MYO18A: variants seen among roughly 807,000 people sequenced by gnomAD.
MYO18A encodes the protein myosin XVIIIA, also known as unconventional myosin-XVIIIa.
A neutral mutation model predicts 235.8 loss-of-function variants in MYO18A; 78 were observed. That is an observed-to-expected ratio of 0.33 (90% CI 0.28 to 0.40). The LOEUF (loss-of-function observed/expected upper bound fraction) is 0.40. Ranked by LOEUF, MYO18A falls within the 10% of genes least tolerant of loss-of-function variation. The pLI is 1.00. For missense variants in MYO18A, 2,215 were observed against 2,699.3 expected (o/e 0.82, Z 3.98); for synonymous variants, 977 against 1,077.8 (o/e 0.91, Z 1.83).
At chr17:29,110,679 G>T in intron 17 of MYO18A, 57 bp from the exon 18 acceptor site, 1 of 1,526,532 alleles carries the variant, frequency 6.6e-7, no homozygotes, top group Non-Finnish European at 8.8e-7. Flanking sequence ...GAGCGGGAAA[G>T]GCCGCTCCTC....
chr17:29,165,892 G>A (rs766454658), intron 2 of MYO18A, 50 bp downstream of exon 2: 5 of 1,536,194 alleles, frequency 3.3e-6, no homozygotes, highest in African/African-American at 2.7e-5. Context: ...AGCAGGAGGT[G>A]CCCACATTCC....
At chr17:29,175,413 A>G (rs1394300882) in intron 1 of MYO18A, among the ~76,000 whole-genome samples, 2 of 139,446 alleles carry the variant, frequency 1.4e-5, no homozygotes, top group Non-Finnish European at 3.0e-5. Flanking sequence ...CCTCCAGGCT[A>G]GAGTGTGGTG....
Position 29,170,521 on chromosome 17 carries a change from CG to C in MYO18A, c.-81-3501del, listed in dbSNP as rs138194388. On this transcript the variant is annotated intron_variant, in intron 1 of 41. Coordinates refer to ENST00000527372, the MANE Select transcript of MYO18A (RefSeq NM_078471.4). The stretch of plus-strand genomic sequence containing the variant: ...ACCACTACCTTCCTACCCCCTATCC[CG>C]GGCTGCAGTTTCCATCTGCCTCCCA... 4.2e-3 allele frequency among the ~76,000 whole-genome samples: 643 copies of C among 152,288 alleles called. 3 individuals are homozygous for C. Among genetic ancestry groups the C allele is most frequent in the African/African-American group, 0.015 (604 of 41,546 alleles).
chr17:29,117,839 C>A lies in MYO18A; in HGVS notation c.2038+206G>T, dbSNP rs2067109629. Among the ~76,000 whole-genome samples, 1 of 152,192 alleles carries A rather than the reference C, an allele frequency of 6.6e-6. No homozygotes were observed. Among genetic ancestry groups the A allele is most frequent in the Non-Finnish European group, 1.5e-5 (1 of 68,030 alleles). On this transcript the variant is annotated intron_variant, in intron 10 of 41. Coordinates refer to ENST00000527372, the MANE Select transcript of MYO18A (RefSeq NM_078471.4). This position sits in a 1 kb window ranked among gnomAD's most constrained non-coding sequence, Gnocchi z 4.6. Reference sequence around the variant, plus strand: ...TCATGGTGCCCCCCAGCACAGCCAGCTAAGTCCAGGCCTCGGGTCGTCACT... The same window carrying A: ...TCATGGTGCCCCCCAGCACAGCCAGATAAGTCCAGGCCTCGGGTCGTCACT...
rs913959928 is a variant in MYO18A, at chr17:29,171,752, T to G, written c.-81-4731A>C. Among the ~76,000 whole-genome samples, 8 of 151,850 alleles carry G rather than the reference T, an allele frequency of 5.3e-5. 1 individual carries two copies. Among genetic ancestry groups the G allele is most frequent in the African/African-American group, 1.5e-4 (6 of 41,330 alleles). ...TCTACTCAAAATACAAAAAATTATCTGGATGTGGTGGTGCATGCCTGTGGG... is the reference window on the plus strand; with the variant it reads ...TCTACTCAAAATACAAAAAATTATCGGGATGTGGTGGTGCATGCCTGTGGG... On this transcript the variant is annotated intron_variant, in intron 1 of 41. Coordinates refer to ENST00000527372, the MANE Select transcript of MYO18A (RefSeq NM_078471.4).
At chr17:29,112,703 TC>T (rs1271679168) in intron 15 of MYO18A, among the ~76,000 whole-genome samples, 7 of 152,214 alleles carry the variant, frequency 4.6e-5, no homozygotes, top group Non-Finnish European at 1.0e-4. Flanking sequence ...GATGGAACCT[TC>T]CCCACACCCT....
intron 38 of MYO18A, 75 bp from the exon 39 acceptor site, chr17:29,086,652 A>G: frequency 6.5e-7 from 1 of 1,546,154 alleles, no homozygotes; most frequent in Non-Finnish European, 8.7e-7. Context: ...GCCTGCTTCA[A>G]GTACTTTCCG....
intron 2 of MYO18A, chr17:29,124,617 A>G: frequency 1.6e-6 from 2 of 1,264,266 alleles, no homozygotes; most frequent in Non-Finnish European, 2.1e-6. Context: ...CACTGGAGGG[A>G]GCGGAGGGCT....
chr17:29,086,794 G>T, intron 38 of MYO18A, 142 bp downstream of exon 38: 1 of 1,181,382 alleles, frequency 8.5e-7, no homozygotes, highest in South Asian at 1.6e-5. Flanking sequence ...CTGCCCTCTT[G>T]ATATGCTCCT....
chr17:29,081,148 G>T, intron 41 of MYO18A: 1 of 335,714 alleles, frequency 3.0e-6, no homozygotes, highest in Non-Finnish European at 4.2e-6. Flanking sequence ...AGGAGAAAAC[G>T]GCAGCAGCCC....
Position 29,115,810 on chromosome 17 carries a change from C to T in MYO18A, c.2081G>A (p.Trp694Ter). Residue 694 changes from tryptophan to a stop codon, truncating the protein, a stop_gained, in exon 12 of 42, where the codon TGG (tryptophan) becomes TAG (stop). Transcript: ENST00000527372. LOFTEE classifies it high-confidence loss of function. ...CAGTAGGTACGCAGCCTTCTGGGCCCACTCATGGCGGGCAAACTGCTTGCG... is the reference window on the plus strand; with the variant it reads ...CAGTAGGTACGCAGCCTTCTGGGCCTACTCATGGCGGGCAAACTGCTTGCG... ...AGRKQFARHE[W>*]AQKAAYLLGC... 1 of 1,589,578 alleles carries T rather than the reference C, an allele frequency of 6.3e-7. No homozygotes were observed. Among genetic ancestry groups the T allele is most frequent in the Non-Finnish European group, 8.6e-7 (1 of 1,167,986 alleles).
Position 29,121,384 on chromosome 17 carries a change from G to A in MYO18A, c.1371+163C>T, listed in dbSNP as rs902694094. 6.6e-6 allele frequency among the ~76,000 whole-genome samples: 1 copy of A among 152,254 alleles called. No individual in the cohort carries two copies. Among genetic ancestry groups the A allele is most frequent in the Non-Finnish European group, 1.5e-5 (1 of 68,050 alleles). ...ACACTAAGTCCTGGACTCCATCAAAGGTTGTGGGGAGGTCCTGTCCCCCAT... is the reference window on the plus strand; with the variant it reads ...ACACTAAGTCCTGGACTCCATCAAAAGTTGTGGGGAGGTCCTGTCCCCCAT... On this transcript the variant is annotated intron_variant, in intron 5 of 41. Coordinates refer to ENST00000527372, the MANE Select transcript of MYO18A (RefSeq NM_078471.4). This position sits in a 1 kb window ranked among gnomAD's most constrained non-coding sequence, Gnocchi z 4.2.
At chr17:29,103,540 A>G in intron 21 of MYO18A, 59 bp downstream of exon 21, 2 of 1,540,708 alleles carry the variant, frequency 1.3e-6, no homozygotes, top group Non-Finnish European at 1.8e-6. Flanking sequence ...GGAGTGGGCC[A>G]GCCACCTGAC....
At chr17:29,156,949 G>A (rs2068077048) in intron 2 of MYO18A, among the ~76,000 whole-genome samples, 1 of 152,226 alleles carries the variant, frequency 6.6e-6, no homozygotes, top group African/African-American at 2.4e-5. Flanking sequence ...CTGCCAGGCT[G>A]TGCTCCGCCA....
intron 41 of MYO18A, chr17:29,077,310 A>T (rs1028088302): frequency 6.6e-6 from 1 of 152,242 alleles, no homozygotes; most frequent in Non-Finnish European, 1.5e-5. Flanking sequence ...CAAATTGTTT[A>T]AAAAAGCCTT....
At chr17:29,077,514 C>T (rs1159894583) in intron 41 of MYO18A, 2 of 152,302 alleles carry the variant, frequency 1.3e-5, no homozygotes, top group Non-Finnish European at 2.9e-5. Context: ...ATCCCATGCC[C>T]CCACCCCAAA....
chr17:29,074,327 A>C lies in MYO18A; in HGVS notation c.*443T>G. The C allele has an allele frequency of 2.4e-6, 2 of 850,338 alleles. No individual in the cohort carries two copies. Among genetic ancestry groups the C allele is most frequent in the Non-Finnish European group, 3.6e-6 (2 of 554,316 alleles). 52.7% of individuals were successfully genotyped at this position (850,338 alleles called of 1,614,324 possible). A position where few individuals can be genotyped will look rare whatever the true frequency, so the allele number is the denominator to read the frequency against. On this transcript the variant is annotated 3_prime_UTR_variant, in exon 42 of 42. Transcript: ENST00000527372. This position sits in a 1 kb window ranked among gnomAD's most constrained non-coding sequence, Gnocchi z 4.4. ...AAGACAGCAGGCACCAAGAAGAGAG[A>C]GCCCCCACCCCACACGAGAGGGAAG...
At chr17:29,148,514 C>T (rs1191271810) in intron 2 of MYO18A, among the ~76,000 whole-genome samples, 1 of 152,092 alleles carries the variant, frequency 6.6e-6, no homozygotes, top group Non-Finnish European at 1.5e-5. Context: ...AGAGTCTACA[C>T]CTGTCTCAAA....
Position 29,118,555 on chromosome 17 carries a change from C to T in MYO18A, c.1830-115G>A, listed in dbSNP as rs551448682. 1.8e-5 allele frequency: 16 copies of T among 887,724 alleles called. No individual in the cohort carries two copies. The highest frequency in any genetic ancestry group is 1.8e-4 in the South Asian group (11 of 61,096). 55.0% of individuals were successfully genotyped at this position (887,724 alleles called of 1,614,324 possible). A position where few individuals can be genotyped will look rare whatever the true frequency, so the allele number is the denominator to read the frequency against. ...CAGACTCCAAGTTTTGTCTGCCCATCATCCCATCATCCCCAACTGGCGGGC... is the reference window on the plus strand; with the variant it reads ...CAGACTCCAAGTTTTGTCTGCCCATTATCCCATCATCCCCAACTGGCGGGC... On this transcript the variant is annotated intron_variant, in intron 8 of 41. Transcript: ENST00000527372. The surrounding 1 kb of genome is among the most constrained non-coding windows in gnomAD (Gnocchi z 4.2).
Sources: gnomAD v4.1 joint callset for allele counts (sites outside exome capture counted in the v4.1 genomes callset) on GRCh38, gnomAD v4.1.1 for gene constraint, Gnocchi (gnomAD v3.1) non-coding constraint, MANE v1.5 for transcripts, NCBI Gene and HGNC (gene_info 2026-07-23, HGNC 2026-07-21) for gene names.